The following HYAL4 variants were observed in gnomAD, a reference collection of about 807,000 sequenced individuals.
HYAL4 encodes hyaluronidase-4.
Under a neutral mutation model 35.2 loss-of-function variants are expected in HYAL4, and 37 were observed. That is an observed-to-expected ratio of 1.05 (90% confidence interval 0.81 to 1.38). The LOEUF is 1.38. Ranked by LOEUF, HYAL4 falls within the 40% of genes most tolerant of loss-of-function variation. The pLI, the probability that HYAL4 is intolerant of heterozygous loss-of-function variation, is 0.00. For missense variants in HYAL4, 572 were observed against 572.4 expected, an observed-to-expected ratio of 1.00 and a Z score of 0.01; for synonymous variants, 198 against 203.2, an observed-to-expected ratio of 0.97 and a Z score of 0.22.
At chr7:123,796,401 T>C in the HYAL4 span, among the ~76,000 whole-genome samples, 40 of 152,338 alleles carry the variant, frequency 2.6e-4, no homozygotes, top group African/African-American at 9.6e-4. Context: ...TATTAGCCTT[T>C]CAAGTTGTAA....
chr7:123,764,103 C>G, the HYAL4 span, among the ~76,000 whole-genome samples: 2 of 152,150 alleles, frequency 1.3e-5, no homozygotes, highest in Non-Finnish European at 2.9e-5. Flanking sequence ...CTACCTCAGG[C>G]TACTGAGTAG....
chr7:123,823,072 A>T, the HYAL4 span, among the ~76,000 whole-genome samples: 4 of 152,202 alleles, frequency 2.6e-5, no homozygotes, highest in Non-Finnish European at 5.9e-5. Context: ...ATTGACTATG[A>T]TGTTAGCTAT....
the HYAL4 span, among the ~76,000 whole-genome samples, chr7:123,818,762 G>A: frequency 1.3e-5 from 2 of 151,760 alleles, no homozygotes; most frequent in African/African-American, 4.8e-5. Context: ...TTGTATGATA[G>A]CTTTATTTAA....
At chr7:123,861,309 A>T (rs1349305096) in intron 2 of HYAL4, among the ~76,000 whole-genome samples, 1 of 152,232 alleles carries the variant, frequency 6.6e-6, no homozygotes, top group African/African-American at 2.4e-5. Flanking sequence ...AAAGACTTAA[A>T]TAACATTTCG....
At chr7:123,805,177 T>C in the HYAL4 span, among the ~76,000 whole-genome samples, 8 of 152,352 alleles carry the variant, frequency 5.3e-5, no homozygotes, top group African/African-American at 1.7e-4. Context: ...TGCGGAAGTT[T>C]TGAATCTTCT....
the HYAL4 span, among the ~76,000 whole-genome samples, chr7:123,812,327 T>C: frequency 2.0e-5 from 3 of 151,966 alleles, no homozygotes; most frequent in Non-Finnish European, 4.4e-5. Context: ...TTTTATATTT[T>C]GAATAATAAA....
chr7:123,845,698 A>T lies in HYAL4; in HGVS notation c.-122+13A>T, dbSNP rs572420824. The T allele has an allele frequency of 3.6e-4, 55 of 152,042 alleles. No individual in the cohort carries two copies. Among genetic ancestry groups the T allele is most frequent in the Non-Finnish European group, 6.2e-4 (42 of 68,012 alleles). The allele number at this position is 152,042 out of a possible 1,614,324, so 9.4% of individuals were successfully genotyped here. On this transcript the variant is annotated intron_variant, in intron 1 of 4. Coordinates refer to ENST00000223026, the MANE Select transcript of HYAL4 (RefSeq NM_012269.3). ...GGAGCCATTGCTGGTGAGCTAGTGT[A>T]ATTTTTTGGGGGGGATGTTAAAGAA...
intron 2 of HYAL4, among the ~76,000 whole-genome samples, chr7:123,855,268 C>T (rs2116935667): frequency 6.6e-6 from 1 of 152,022 alleles, no homozygotes; most frequent in African/African-American, 2.4e-5. Flanking sequence ...GTTATTTTGC[C>T]CACTGGTCAA....
the HYAL4 span, among the ~76,000 whole-genome samples, chr7:123,813,410 G>A: frequency 9.5e-3 from 1,449 of 152,078 alleles, 25 homozygotes; most frequent in African/African-American, 0.033. Flanking sequence ...TTTTATTTAG[G>A]GTTTAACTGC....
the HYAL4 span, among the ~76,000 whole-genome samples, chr7:123,810,367 G>A: frequency 6.6e-6 from 1 of 152,050 alleles, no homozygotes; most frequent in Non-Finnish European, 1.5e-5. Flanking sequence ...ATAATATTTG[G>A]TGTAATTACC....
chr7:123,861,657 T>C (rs1176786267), intron 2 of HYAL4, among the ~76,000 whole-genome samples: 2 of 152,162 alleles, frequency 1.3e-5, no homozygotes, highest in Non-Finnish European at 2.9e-5. Flanking sequence ...AATAATATAG[T>C]GAATTTACCA....
At chr7:123,830,639 A>G (rs1805866243) in intron 1 of HYAL4, among the ~76,000 whole-genome samples, 2 of 152,188 alleles carry the variant, frequency 1.3e-5, no homozygotes, top group Admixed American at 6.5e-5. Flanking sequence ...TTTCTGAATC[A>G]GAAGGAATTT....
Position 123,868,255 on chromosome 7 carries a change from G to T in HYAL4, c.-19G>T. The T allele has an allele frequency of 7.1e-7, 1 of 1,408,606 alleles. No homozygotes were observed. The highest frequency in any genetic ancestry group is 9.6e-7 in the Non-Finnish European group (1 of 1,046,004). The allele number at this position is 1,408,606 out of a possible 1,614,324, so 87.3% of individuals were successfully genotyped here. A position where few individuals can be genotyped will look rare whatever the true frequency, so the allele number is the denominator to read the frequency against. On this transcript the variant is annotated 5_prime_UTR_variant, in exon 3 of 5. Transcript: ENST00000223026. The stretch of plus-strand genomic sequence containing the variant: ...AGAGTGCACTAAAGCAGAAGATAAC[G>T]TAACATTTTTATCTTACCATGAAAG...
the HYAL4 span, among the ~76,000 whole-genome samples, chr7:123,813,429 C>T: frequency 6.6e-6 from 1 of 152,124 alleles, no homozygotes; most frequent in South Asian, 2.1e-4. Flanking sequence ...GCTGAATATA[C>T]AATCCAGTTT....
chr7:123,792,517 C>G, the HYAL4 span, among the ~76,000 whole-genome samples: 1 of 152,274 alleles, frequency 6.6e-6, no homozygotes, highest in East Asian at 1.9e-4. Flanking sequence ...TACAAATAGT[C>G]ACATATATAA....
intron 2 of HYAL4, among the ~76,000 whole-genome samples, chr7:123,856,020 A>G (rs1321751483): frequency 1.3e-5 from 2 of 151,510 alleles, no homozygotes; most frequent in Non-Finnish European, 2.9e-5. Flanking sequence ...TGCTTCATGA[A>G]GTTCTTGTGC....
the HYAL4 span, among the ~76,000 whole-genome samples, chr7:123,791,048 A>C: frequency 6.6e-6 from 1 of 152,164 alleles, no homozygotes; most frequent in East Asian, 1.9e-4. Context: ...TACAGTCAGG[A>C]GCCACTGTGC....
At chr7:123,793,537 G>T in the HYAL4 span, among the ~76,000 whole-genome samples, 2 of 152,028 alleles carry the variant, frequency 1.3e-5, no homozygotes, top group African/African-American at 2.4e-5. Context: ...TTAATCATGG[G>T]GGCCGTTAGC....
chr7:123,858,435 G>A (rs1304155313), intron 2 of HYAL4, among the ~76,000 whole-genome samples: 1 of 152,000 alleles, frequency 6.6e-6, no homozygotes, highest in Non-Finnish European at 1.5e-5. Flanking sequence ...TCAAATATGT[G>A]GTAGTCAGCA....
Sources: allele counts gnomAD v4.1 joint callset (sites outside exome capture counted in the v4.1 genomes callset), GRCh38; gene constraint gnomAD v4.1.1; transcripts MANE v1.5; gene names NCBI Gene and HGNC (gene_info 2026-07-23, HGNC 2026-07-21).